NKAIN2: variants seen among roughly 807,000 people sequenced by gnomAD.
NKAIN2 encodes the protein sodium/potassium transporting ATPase interacting 2.
A neutral mutation model predicts 32.6 loss-of-function variants in NKAIN2; 14 were observed. That is an observed-to-expected ratio of 0.43 (90% CI 0.28 to 0.67). The LOEUF (loss-of-function observed/expected upper bound fraction) is 0.67. NKAIN2 is among the 30% of genes least tolerant of loss of function. The pLI, the probability that NKAIN2 is intolerant of heterozygous loss-of-function variation, is 0.17. For missense variants in NKAIN2, 198 were observed against 258.3 expected, an observed-to-expected ratio of 0.77 and a Z score of 1.60; for synonymous variants, 80 against 87.2, an observed-to-expected ratio of 0.92 and a Z score of 0.46.
At chr6:124,723,022 T>A (rs952815829) in intron 4 of NKAIN2, among the ~76,000 whole-genome samples, 6 of 152,170 alleles carry the variant, frequency 3.9e-5, no homozygotes, top group Non-Finnish European at 5.9e-5. Context: ...CCTCACAATA[T>A]GTTAACGGGT....
chr6:123,890,521 C>A (rs951437200), intron 1 of NKAIN2, among the ~76,000 whole-genome samples: 9 of 151,820 alleles, frequency 5.9e-5, no homozygotes, highest in Admixed American at 1.3e-4. Flanking sequence ...GAAATGGGTT[C>A]TTTAGAAAAG....
intron 3 of NKAIN2, among the ~76,000 whole-genome samples, chr6:124,434,725 G>A (rs1280208444): frequency 6.6e-6 from 1 of 152,130 alleles, no homozygotes; most frequent in Non-Finnish European, 1.5e-5. Context: ...TCTTTTATAT[G>A]AGTATGATGC....
intron 2 of NKAIN2, among the ~76,000 whole-genome samples, chr6:124,287,229 A>G (rs1385185334): frequency 6.6e-6 from 1 of 152,122 alleles, no homozygotes; most frequent in Non-Finnish European, 1.5e-5. Context: ...CCTTATGTCT[A>G]ATTTTACCAA....
At chr6:124,028,704 C>T (rs1324199426) in intron 1 of NKAIN2, among the ~76,000 whole-genome samples, 1 of 148,222 alleles carries the variant, frequency 6.7e-6, no homozygotes, top group South Asian at 2.1e-4. Context: ...CATGTATACA[C>T]GTGTATATAT....
At chr6:124,355,984 C>T (rs148804297) in intron 3 of NKAIN2, among the ~76,000 whole-genome samples, 2 of 152,226 alleles carry the variant, frequency 1.3e-5, no homozygotes, top group East Asian at 3.9e-4. Flanking sequence ...TGTTAGAATG[C>T]AATTAACAGC....
intron 1 of NKAIN2, among the ~76,000 whole-genome samples, chr6:124,028,651 C>T (rs898148589): frequency 6.8e-6 from 1 of 146,852 alleles, no homozygotes; most frequent in Admixed American, 6.7e-5. Flanking sequence ...GGTCTTTGGA[C>T]TTGCATCATT....
At chr6:123,985,009 T>C (rs1779069519) in intron 1 of NKAIN2, among the ~76,000 whole-genome samples, 1 of 152,174 alleles carries the variant, frequency 6.6e-6, no homozygotes, top group African/African-American at 2.4e-5. Flanking sequence ...TCCTCTGATT[T>C]AGTGACCCCA....
At chr6:124,060,692 T>C (rs1338383644) in intron 1 of NKAIN2, among the ~76,000 whole-genome samples, 2 of 152,186 alleles carry the variant, frequency 1.3e-5, no homozygotes, top group Admixed American at 1.3e-4. Context: ...TTTTCCTTGT[T>C]TGCTTACTCA....
At chr6:124,799,056 T>C (rs1230287302) in intron 5 of NKAIN2, among the ~76,000 whole-genome samples, 1 of 152,198 alleles carries the variant, frequency 6.6e-6, no homozygotes, top group Admixed American at 6.5e-5. Flanking sequence ...GTATTCAGAG[T>C]AAATGAATAA....
intron 1 of NKAIN2, among the ~76,000 whole-genome samples, chr6:124,054,175 A>G (rs1350642956): frequency 6.6e-6 from 1 of 152,044 alleles, no homozygotes; most frequent in African/African-American, 2.4e-5. Context: ...AGGTCTTCTG[A>G]TGCAAAGGCT....
intron 1 of NKAIN2, among the ~76,000 whole-genome samples, chr6:124,212,017 G>A (rs1791203103): frequency 6.6e-6 from 1 of 151,698 alleles, no homozygotes; most frequent in Non-Finnish European, 1.5e-5. Context: ...TTGCTTTGTG[G>A]GATTTACAGT....
At chr6:123,873,549 C>T (rs996326567) in intron 1 of NKAIN2, among the ~76,000 whole-genome samples, 4 of 152,114 alleles carry the variant, frequency 2.6e-5, no homozygotes, top group Non-Finnish European at 4.4e-5. Context: ...AGTGTGTATG[C>T]AAAATGCAGG....
At chr6:124,311,873 G>A (rs556928999) in intron 2 of NKAIN2, among the ~76,000 whole-genome samples, 19 of 152,152 alleles carry the variant, frequency 1.2e-4, no homozygotes, top group African/African-American at 4.3e-4. Context: ...AAGGTTAAAC[G>A]TATGTGGTAT....
intron 2 of NKAIN2, among the ~76,000 whole-genome samples, chr6:124,343,678 G>A (rs1259811681): frequency 1.3e-5 from 2 of 148,948 alleles, no homozygotes; most frequent in Non-Finnish European, 3.0e-5. Context: ...TGATGGGGTT[G>A]TTTGTTTTTT....
At chr6:123,829,931 A>G (rs1449874703) in intron 1 of NKAIN2, among the ~76,000 whole-genome samples, 3 of 152,304 alleles carry the variant, frequency 2.0e-5, no homozygotes, top group East Asian at 1.9e-4. Flanking sequence ...GGACATGTAT[A>G]TTGTTGTTGA....
chr6:124,359,273 A>T (rs1175899102), intron 3 of NKAIN2, among the ~76,000 whole-genome samples: 2 of 152,058 alleles, frequency 1.3e-5, no homozygotes, highest in African/African-American at 4.8e-5. Context: ...TTTGTTCCAT[A>T]TGAACTTTAA....
intron 1 of NKAIN2, among the ~76,000 whole-genome samples, chr6:124,184,780 G>T (rs755849725): frequency 6.6e-6 from 1 of 152,064 alleles, no homozygotes; most frequent in African/African-American, 2.4e-5. Context: ...GAATCAAAGG[G>T]AATGGACAAA....
intron 1 of NKAIN2, among the ~76,000 whole-genome samples, chr6:124,039,808 C>A (rs948721887): frequency 6.6e-6 from 1 of 151,818 alleles, no homozygotes; most frequent in South Asian, 2.1e-4. Flanking sequence ...TTTTAATTAT[C>A]TTTACTTAGA....
rs904917502 is a variant in NKAIN2 at position 124,167,735 on chromosome 6, T to C, written c.55-115270T>C. Among the ~76,000 whole-genome samples the C allele has an allele frequency of 1.7e-4, 26 of 152,350 alleles. 1 individual carries two copies. The highest frequency in any genetic ancestry group is 6.8e-3 in the Middle Eastern group (2 of 294). ...TGAGAGTTTTTAGCATGAAGGGTTG[T>C]TGAATTTTGTCAAAGGCCTTTTCTG... On this transcript the variant is annotated intron_variant, in intron 1 of 6. Transcript: ENST00000368417.
Sources: gnomAD v4.1 joint callset for allele counts (sites outside exome capture counted in the v4.1 genomes callset) on GRCh38, gnomAD v4.1.1 for gene constraint, MANE v1.5 for transcripts, NCBI Gene and HGNC (gene_info 2026-07-23, HGNC 2026-07-21) for gene names.